UMAD1: variants seen among roughly 807,000 people sequenced by gnomAD.
UMAD1 encodes UBAP1-MVB12-associated (UMA)-domain containing protein 1.
UMAD1 carries 8 observed loss-of-function variants against 6.1 expected under a neutral mutation model. That is an observed-to-expected ratio of 1.30 (90% CI 0.76 to 2.35). UMAD1 has a LOEUF of 2.35. Ranked by LOEUF, UMAD1 falls within the 30% of genes most tolerant of loss-of-function variation. The pLI is 0.00. For missense variants in UMAD1, 130 were observed against 78.4 expected, an observed-to-expected ratio of 1.66 and a Z score of -2.49; for synonymous variants, 56 against 31.4, an observed-to-expected ratio of 1.78 and a Z score of -2.61.
intron 2 of UMAD1, among the ~76,000 whole-genome samples, chr7:7,774,735 A>G (rs117353939): frequency 0.013 from 1,909 of 152,254 alleles, 20 homozygotes; most frequent in Non-Finnish European, 0.018. Flanking sequence ...CATAACACCA[A>G]TTTCAACTCT....
At chr7:7,829,010 A>G (rs1783406137) in intron 3 of UMAD1, among the ~76,000 whole-genome samples, 1 of 152,194 alleles carries the variant, frequency 6.6e-6, no homozygotes, top group Non-Finnish European at 1.5e-5. Context: ...AAGGGATAAC[A>G]TGTCTATATA....
intron 2 of UMAD1, among the ~76,000 whole-genome samples, chr7:7,717,100 A>T (rs1302783414): frequency 1.4e-5 from 2 of 138,264 alleles, no homozygotes; most frequent in Admixed American, 7.6e-5. Context: ...TCTGTTGCCC[A>T]GGCTGGAGTG....
chr7:7,744,569 G>A (rs888602941), intron 2 of UMAD1, among the ~76,000 whole-genome samples: 10 of 150,024 alleles, frequency 6.7e-5, no homozygotes, highest in African/African-American at 2.2e-4. Context: ...ATTTCTCCAC[G>A]TCCTGGTAAC....
Position 7,788,374 on chromosome 7 carries a change from C to T in UMAD1, c.83-13296C>T, listed in dbSNP as rs149841216. Among the ~76,000 whole-genome samples, 42 of 152,246 alleles carry T rather than the reference C, an allele frequency of 2.8e-4. 1 individual carries two copies. The highest frequency in any genetic ancestry group is 9.9e-4 in the African/African-American group (41 of 41,546). On this transcript the variant is annotated intron_variant, in intron 2 of 3. Coordinates refer to ENST00000682710, the MANE Select transcript of UMAD1 (RefSeq NM_001302348.2). ...CTAAGAGTGGTCCCTTCTCTATCAT[C>T]ACATTTTACTCTGTAATCAAGCAGG... is the stretch of plus-strand genomic sequence containing the variant.
intron 1 of UMAD1, among the ~76,000 whole-genome samples, chr7:7,665,789 A>T (rs1305998697): frequency 1.3e-5 from 2 of 150,590 alleles, no homozygotes; most frequent in Non-Finnish European, 3.0e-5. Context: ...ATCATATAGT[A>T]TGAACTTTTA....
intron 3 of UMAD1, among the ~76,000 whole-genome samples, chr7:7,856,712 A>G (rs1006740278): frequency 6.6e-6 from 1 of 152,216 alleles, no homozygotes; most frequent in Non-Finnish European, 1.5e-5. Flanking sequence ...TTGATGTGAT[A>G]TATTACATTA....
intron 3 of UMAD1, among the ~76,000 whole-genome samples, chr7:7,845,705 A>T (rs759811566): frequency 6.6e-6 from 1 of 152,124 alleles, no homozygotes; most frequent in Non-Finnish European, 1.5e-5. Context: ...GGTTTTCCCT[A>T]TGAAAACCTT....
chr7:7,684,734 G>A (rs1303029258), intron 2 of UMAD1, among the ~76,000 whole-genome samples: 1 of 152,168 alleles, frequency 6.6e-6, no homozygotes, highest in Non-Finnish European at 1.5e-5. Context: ...ATGAATTTAT[G>A]TGAAATTATT....
At chr7:7,709,972 T>A (rs185454348) in intron 2 of UMAD1, among the ~76,000 whole-genome samples, 1 of 152,280 alleles carries the variant, frequency 6.6e-6, no homozygotes, top group Non-Finnish European at 1.5e-5. Flanking sequence ...TTAAATAGTG[T>A]TAACATATTT....
At chr7:7,663,525 G>A (rs530047849) in intron 1 of UMAD1, among the ~76,000 whole-genome samples, 8 of 152,252 alleles carry the variant, frequency 5.3e-5, no homozygotes, top group African/African-American at 1.7e-4. Context: ...CAGGGGGAGA[G>A]TCTTTATGTA....
chr7:7,704,721 C>A (rs571582503), intron 2 of UMAD1, among the ~76,000 whole-genome samples: 1 of 135,668 alleles, frequency 7.4e-6, no homozygotes, highest in African/African-American at 2.8e-5. Flanking sequence ...GAGCTGAGAT[C>A]GCACCACTGT....
chr7:7,675,256 C>T (rs975654783), intron 2 of UMAD1, among the ~76,000 whole-genome samples: 131 of 152,342 alleles, frequency 8.6e-4, no homozygotes, highest in African/African-American at 3.1e-3. Flanking sequence ...GTACTGGCAT[C>T]TTTGAAAGCA....
chr7:7,697,805 C>G (rs183436704), intron 2 of UMAD1, among the ~76,000 whole-genome samples: 8 of 152,092 alleles, frequency 5.3e-5, no homozygotes, highest in Non-Finnish European at 1.0e-4. Flanking sequence ...GGTGCATGTA[C>G]TCTTGGGTAT....
intron 2 of UMAD1, among the ~76,000 whole-genome samples, chr7:7,714,320 T>A (rs958991172): frequency 9.8e-5 from 15 of 152,370 alleles, no homozygotes; most frequent in African/African-American, 3.4e-4. Context: ...GCAGACTTTC[T>A]TTGGCTGCTC....
chr7:7,729,074 TCGGAAA>T (rs1316583737), intron 2 of UMAD1, among the ~76,000 whole-genome samples: 1 of 152,112 alleles, frequency 6.6e-6, no homozygotes, highest in African/African-American at 2.4e-5. Context: ...TGTATTTGTG[TCGGAAA>T]TGGAAACGTG....
intron 2 of UMAD1, among the ~76,000 whole-genome samples, chr7:7,794,396 G>A (rs1782629198): frequency 6.6e-6 from 1 of 152,136 alleles, no homozygotes; most frequent in Admixed American, 6.5e-5. Flanking sequence ...ATAACAGGGA[G>A]CAAAAGGGCG....
intron 2 of UMAD1, among the ~76,000 whole-genome samples, chr7:7,730,733 AC>A (rs1227566938): frequency 2.0e-5 from 3 of 152,184 alleles, no homozygotes; most frequent in African/African-American, 7.2e-5. Context: ...GGGAAAAAAA[AC>A]CCTCAAAATC....
At chr7:7,760,664 G>A (rs1781871311) in intron 2 of UMAD1, among the ~76,000 whole-genome samples, 1 of 152,052 alleles carries the variant, frequency 6.6e-6, no homozygotes, top group South Asian at 2.1e-4. Context: ...GAAATGACAT[G>A]AACAAAGATA....
chr7:7,666,669 TG>T (rs1779467065), intron 1 of UMAD1, among the ~76,000 whole-genome samples: 1 of 152,168 alleles, frequency 6.6e-6, no homozygotes, highest in African/African-American at 2.4e-5. Context: ...TCATATTTTT[TG>T]CCCGGTTTTT....
Sources: gnomAD v4.1 joint callset for allele counts (sites outside exome capture counted in the v4.1 genomes callset) on GRCh38, gnomAD v4.1.1 for gene constraint, MANE v1.5 for transcripts, NCBI Gene and HGNC (gene_info 2026-07-23, HGNC 2026-07-21) for gene names.